Variants in PCDHGB3 observed in about 807,000 individuals in gnomAD.
PCDHGB3 encodes the protein protocadherin gamma subfamily B, 3, also known as protocadherin gamma-B3.
PCDHGB3 carries 40 observed loss-of-function variants against 59.2 expected under a neutral mutation model. The observed-to-expected ratio is 0.68, with a 90% CI of 0.52 to 0.88. PCDHGB3 has a LOEUF of 0.88. Among genes scored for constraint, PCDHGB3 ranks in the 40% least tolerant of loss-of-function variants. The pLI is 0.00. For missense variants in PCDHGB3, 1,309 were observed against 1,187.9 expected (o/e 1.10, Z -1.50); for synonymous variants, 581 against 503.6 (o/e 1.15, Z -2.06).
At chr5:141,468,871 T>TAAG (rs796694379) in intron 1 of PCDHGB3, among the ~76,000 whole-genome samples, 1 of 148,338 alleles carries the variant, frequency 6.7e-6, no homozygotes, top group African/African-American at 2.5e-5. Flanking sequence ...ATCTCAAAAA[T>TAAG]AATAATAATA....
intron 2 of PCDHGB3, among the ~76,000 whole-genome samples, chr5:141,505,069 G>A (rs2099843308): frequency 2.0e-5 from 3 of 152,340 alleles, no homozygotes; most frequent in East Asian, 1.9e-4. Flanking sequence ...GACTGAGGCA[G>A]GAGAATCGCT....
intron 1 of PCDHGB3, among the ~76,000 whole-genome samples, chr5:141,382,367 C>T (rs778668401): frequency 8.6e-5 from 13 of 151,894 alleles, no homozygotes; most frequent in African/African-American, 3.1e-4. Flanking sequence ...TAAAATTTAC[C>T]TTTTTGCCTT....
At position 141,400,328 on chromosome 5, in the gene PCDHGB3, T is replaced by A. The variant is rs754904671; in HGVS notation, c.2415+27519T>A. ...GGTCTCTGTGTCAAGTCTGGACCTG[T>A]GGTTCCCCCCAACTACAGTCAGGGG... On this transcript the variant is annotated intron_variant, in intron 1 of 3. Coordinates refer to ENST00000576222, the MANE Select transcript of PCDHGB3 (RefSeq NM_018924.5). 80 of 1,613,976 alleles carry A rather than the reference T, an allele frequency of 5.0e-5. No homozygotes were observed. Among genetic ancestry groups the A allele is most frequent in the Non-Finnish European group, 6.4e-5 (76 of 1,179,916 alleles).
Position 141,381,442 on chromosome 5 carries a change from A to AC in PCDHGB3, c.2415+8634dup, listed in dbSNP as rs551572598. 7.9e-5 allele frequency among the ~76,000 whole-genome samples: 12 copies of AC among 152,360 alleles called. No individual in the cohort carries two copies. In the South Asian group the frequency reaches 2.5e-3, roughly 32 times the overall value. The stretch of plus-strand genomic sequence containing the variant: ...GAGTACCTCTAAGGATCCTGTCAGG[A>AC]CAGTCCTGCATTTTGCTCAAATGCT... On this transcript the variant is annotated intron_variant, in intron 1 of 3. Transcript: ENST00000576222.
chr5:141,431,916 T>C lies in PCDHGB3; in HGVS notation c.2415+59107T>C, dbSNP rs2097428336. 1 of 1,614,056 alleles carries C rather than the reference T, an allele frequency of 6.2e-7. No homozygotes were observed. Among genetic ancestry groups the C allele is most frequent in the Middle Eastern group, 1.6e-4 (1 of 6,062 alleles). ...GAAAACGGACAGGTGATCTGTTTCA[T>C]CCAAGGAAATCTGCCCTTTAAATTA... On this transcript the variant is annotated intron_variant, in intron 1 of 3. Transcript: ENST00000576222. The surrounding 1 kb of genome is among the most constrained non-coding windows in gnomAD (Gnocchi z 4.8).
At chr5:141,392,896 G>C in intron 1 of PCDHGB3, 2 of 1,613,812 alleles carry the variant, frequency 1.2e-6, no homozygotes, top group South Asian at 1.1e-5. Flanking sequence ...GAAATCGGGA[G>C]GGGACAGATT....
intron 1 of PCDHGB3, chr5:141,412,395 T>G (rs941350125): frequency 1.3e-5 from 2 of 152,246 alleles, no homozygotes; most frequent in African/African-American, 4.8e-5. Flanking sequence ...ATTTAACTTG[T>G]ATCCCTGTAA....
Position 141,489,653 on chromosome 5 carries a change from G to A in PCDHGB3, c.2416-5154G>A, listed in dbSNP as rs752269910. 2.0e-5 allele frequency: 33 copies of A among 1,614,164 alleles called. No individual in the cohort carries two copies. In the East Asian group the frequency reaches 4.9e-4, roughly 24 times the overall value. ...TCTCCTAGCTTTGCCACCCCTGAGC[G>A]AGAGATGCGCATCTCAGAATCAGCA... On this transcript the variant is annotated intron_variant, in intron 1 of 3. Transcript: ENST00000576222. This position sits in a 1 kb window ranked among gnomAD's most constrained non-coding sequence, Gnocchi z 4.5.
intron 1 of PCDHGB3, among the ~76,000 whole-genome samples, chr5:141,458,992 C>G (rs1268862644): frequency 6.6e-6 from 1 of 152,190 alleles, no homozygotes; most frequent in African/African-American, 2.4e-5. Flanking sequence ...CTCACCCTCC[C>G]AAAGTGCTGG....
At chr5:141,443,054 A>G (rs1591749542) in intron 1 of PCDHGB3, among the ~76,000 whole-genome samples, 1 of 152,218 alleles carries the variant, frequency 6.6e-6, no homozygotes. Flanking sequence ...TTATTGTTCC[A>G]CTGAAGAGCG....
rs1561553995 is a variant in PCDHGB3, at chr5:141,372,030, G to A, written c.1636G>A (p.Val546Met). ...DQGSPTLSAN[V>M]SLRVLVDDRN... ...GGGCTCGCCTACGCTCAGCGCCAAC[G>A]TGAGCCTGCGCGTGTTGGTGGACGA... Residue 546 changes from valine (V) to methionine (M), a missense_variant, in exon 1 of 4, where the codon GTG becomes ATG. Transcript: ENST00000576222. The A allele has an allele frequency of 6.2e-7, 1 of 1,613,446 alleles. No homozygotes were observed. The highest frequency in any genetic ancestry group is 2.2e-5 in the East Asian group (1 of 44,882).
chr5:141,424,076 A>C, intron 1 of PCDHGB3: 2 of 979,452 alleles, frequency 2.0e-6, no homozygotes, highest in Non-Finnish European at 2.5e-6. Flanking sequence ...TTGTAGTTAT[A>C]TTCCACCATT....
intron 1 of PCDHGB3, among the ~76,000 whole-genome samples, chr5:141,492,968 C>T: frequency 6.6e-6 from 1 of 152,240 alleles, no homozygotes; most frequent in East Asian, 1.9e-4. Flanking sequence ...GACACTCTAA[C>T]AAGTCCTGTC....
Position 141,371,215 on chromosome 5 carries a change from A to G in PCDHGB3, c.821A>G (p.Asn274Ser). The change falls in exon 1 of 4, where the codon AAT (asparagine) becomes AGT (serine). Residue 274 changes from asparagine to serine, a missense_variant. By Grantham distance (46) the Asn-to-Ser change is conservative. Transcript: ENST00000576222. ...GCCATTGACATGGATGAGGGCATCA[A>G]TGCCGAAATCATCTATGCCTTCATC... is the stretch of plus-strand genomic sequence containing the variant. ...VMAIDMDEGI[N>S]AEIIYAFINI... 3 of 1,614,052 alleles carry G rather than the reference A, an allele frequency of 1.9e-6. No individual in the cohort carries two copies. The highest frequency in any genetic ancestry group is 2.2e-5 in the East Asian group (1 of 44,888).
At chr5:141,483,648 T>TTGTGTGTGTG (rs111458813) in intron 1 of PCDHGB3, among the ~76,000 whole-genome samples, 23 of 149,708 alleles carry the variant, frequency 1.5e-4, no homozygotes, top group African/African-American at 3.9e-4. Context: ...GGGTGTGTGT[T>TTGTGTGTGTG]TGTGTGTGTG....
At chr5:141,375,442 C>A (rs746357528) in intron 1 of PCDHGB3, 1 of 1,614,034 alleles carries the variant, frequency 6.2e-7, no homozygotes, top group Non-Finnish European at 8.5e-7. Flanking sequence ...CCACCTTCCC[C>A]CATTCATCCT....
chr5:141,387,561 A>G lies in PCDHGB3; in HGVS notation c.2415+14752A>G, dbSNP rs2090990234. 9 of 426,060 alleles carry G rather than the reference A, an allele frequency of 2.1e-5. No homozygotes were observed. The East Asian group carries it at 3.4e-4, about 16-fold the overall frequency. 26.4% of individuals were successfully genotyped at this position (426,060 alleles called of 1,614,324 possible). A position where few individuals can be genotyped will look rare whatever the true frequency, so the allele number is the denominator to read the frequency against. The stretch of plus-strand genomic sequence containing the variant: ...AGTTTTTGTTCTTTCAGTTAGGCAC[A>G]CAATTATAATTATTGCACTGGTTAA... On this transcript the variant is annotated intron_variant, in intron 1 of 3. Transcript: ENST00000576222.
At chr5:141,478,449 C>A in intron 1 of PCDHGB3, 1 of 1,613,540 alleles carries the variant, frequency 6.2e-7, no homozygotes. Context: ...AAACCTGGTG[C>A]AGCCAGTCCA....
intron 1 of PCDHGB3, chr5:141,414,488 C>T (rs755499269): frequency 2.5e-6 from 4 of 1,613,914 alleles, no homozygotes; most frequent in African/African-American, 2.7e-5. Flanking sequence ...CCTCTATCAA[C>T]GGAAGCTCAC....
Sources: allele counts gnomAD v4.1 joint callset (sites outside exome capture counted in the v4.1 genomes callset), GRCh38; gene constraint gnomAD v4.1.1; non-coding constraint Gnocchi (gnomAD v3.1); transcripts MANE v1.5; gene names NCBI Gene and HGNC (gene_info 2026-07-23, HGNC 2026-07-21).